Variants in RB1CC1 observed in about 807,000 individuals in gnomAD.
RB1CC1 encodes the protein RB1-inducible coiled-coil protein 1.
A neutral mutation model predicts 177.5 loss-of-function variants in RB1CC1; 46 were observed. The ratio of observed to expected loss-of-function variants is 0.26; its 90% CI spans 0.20 to 0.33. The LOEUF (loss-of-function observed/expected upper bound fraction) is 0.33. RB1CC1 is among the 10% of genes least tolerant of loss of function. The pLI, the probability that RB1CC1 is intolerant of heterozygous loss-of-function variation, is 1.00. For missense variants in RB1CC1, 1,703 were observed against 1,816.3 expected (o/e 0.94, Z 1.13); for synonymous variants, 666 against 613.6 (o/e 1.09, Z -1.26).
rs115546893 is a variant in RB1CC1, at chr8:52,678,194, G to A, written c.370-1623C>T. Reference sequence around the variant, plus strand: ...AGTACTTTGGGAGGCTGAGGCGGGCGATCACCTGCGGTCAGGAGTTTGAGG... The same window carrying A: ...AGTACTTTGGGAGGCTGAGGCGGGCAATCACCTGCGGTCAGGAGTTTGAGG... On this transcript the variant is annotated intron_variant, in intron 5 of 23. Transcript: ENST00000025008. Among the ~76,000 whole-genome samples, 830 of 152,192 alleles carry A rather than the reference G, an allele frequency of 5.5e-3. 7 individuals are homozygous for A. Among genetic ancestry groups the A allele is most frequent in the African/African-American group, 0.019 (798 of 41,506 alleles).
At chr8:52,713,285 TAA>T (rs1459972143) in intron 1 of RB1CC1, among the ~76,000 whole-genome samples, 1 of 152,174 alleles carries the variant, frequency 6.6e-6, no homozygotes, top group Non-Finnish European at 1.5e-5. Context: ...GACCACACTT[TAA>T]AGAGTCATGA....
At position 52,680,296 on chromosome 8, in the gene RB1CC1, TAAAAAG is replaced by T. The variant is rs1441379083; in HGVS notation, c.369+3247_369+3252del. ...CAGAGATTTAGCTCAGGAAATAAGT[TAAAAAG>T]AAACGTATCACTGATTGAAGGCTAC... On this transcript the variant is annotated intron_variant, in intron 5 of 23. Transcript: ENST00000025008. 5.9e-5 allele frequency among the ~76,000 whole-genome samples: 9 copies of T among 152,114 alleles called. 1 individual carries two copies. In the East Asian group the frequency reaches 1.2e-3, roughly 20 times the overall value.
intron 22 of RB1CC1, among the ~76,000 whole-genome samples, chr8:52,626,224 C>G (rs1255332326): frequency 6.6e-6 from 1 of 152,064 alleles, no homozygotes; most frequent in Non-Finnish European, 1.5e-5. Flanking sequence ...ACTGGCATTC[C>G]TCAAAGGAAA....
At chr8:52,693,129 T>A (rs569796517) in intron 1 of RB1CC1, among the ~76,000 whole-genome samples, 1 of 152,138 alleles carries the variant, frequency 6.6e-6, no homozygotes, top group Non-Finnish European at 1.5e-5. Context: ...CAACTCAAGA[T>A]GGATTAAAGA....
At chr8:52,634,731 C>A (rs1191481571) in intron 20 of RB1CC1, among the ~76,000 whole-genome samples, 190 bp downstream of exon 20, 5 of 152,148 alleles carry the variant, frequency 3.3e-5, no homozygotes, top group Non-Finnish European at 7.3e-5. Context: ...ACTCTACAGT[C>A]AGGAGATAAC....
At chr8:52,700,433 G>A (rs972430038) in intron 1 of RB1CC1, among the ~76,000 whole-genome samples, 4 of 151,944 alleles carry the variant, frequency 2.6e-5, no homozygotes, top group Middle Eastern at 3.2e-3. Context: ...GGGTGGGGGC[G>A]CTGAGGCAGG....
chr8:52,642,723 C>T lies in RB1CC1; in HGVS notation c.4077G>A (p.Gln1359=). ...DLSDKLKSTM[Q]QQERDKDLIE... is the part of the protein sequence containing the mutation. ...ACAAACCTTTATCCCGTTCTTGTTG[C>T]TGCATTGTACTTTTCAACTTATCAC... Residue 1359 remains glutamine, a synonymous_variant, in exon 17 of 24, where the codon CAG becomes CAA. Transcript: ENST00000025008. 6.3e-6 allele frequency: 10 copies of T among 1,578,404 alleles called. No homozygotes were observed. Among genetic ancestry groups the T allele is most frequent in the Non-Finnish European group, 8.6e-6 (10 of 1,169,522 alleles).
chr8:52,645,638 T>C (rs992998766), intron 16 of RB1CC1, 64 bp downstream of exon 16: 2 of 1,504,110 alleles, frequency 1.3e-6, no homozygotes, highest in Non-Finnish European at 1.8e-6. Context: ...ATAAAGAAAT[T>C]ATATTTGTTA....
At chr8:52,674,325 G>A in intron 6 of RB1CC1, 51 bp from the exon 7 acceptor site, 2 of 1,425,942 alleles carry the variant, frequency 1.4e-6, no homozygotes, top group Non-Finnish European at 9.8e-7. Flanking sequence ...CTCTAATTAG[G>A]AATTAGCATG....
chr8:52,713,799 C>A (rs1369059295), intron 1 of RB1CC1, among the ~76,000 whole-genome samples: 4 of 152,224 alleles, frequency 2.6e-5, no homozygotes, highest in Non-Finnish European at 5.9e-5. Context: ...GGCAGCCCCG[C>A]AGCACGAGTC....
intron 8 of RB1CC1, 120 bp downstream of exon 8, chr8:52,667,901 C>T (rs1852212731): frequency 5.3e-6 from 5 of 938,914 alleles, no homozygotes; most frequent in Non-Finnish European, 7.7e-6. Flanking sequence ...AATATTAATA[C>T]ATTAAAAATA....
intron 22 of RB1CC1, among the ~76,000 whole-genome samples, chr8:52,625,098 T>C (rs563914787): frequency 1.1e-4 from 16 of 152,278 alleles, no homozygotes; most frequent in Non-Finnish European, 2.2e-4. Context: ...GTAGGAATTC[T>C]AGGCTAACTC....
intron 1 of RB1CC1, among the ~76,000 whole-genome samples, chr8:52,698,595 A>C (rs1224066366): frequency 6.7e-6 from 1 of 148,704 alleles, no homozygotes; most frequent in African/African-American, 2.5e-5. Context: ...TACAGGTGTG[A>C]GCCACTGCGC....
chr8:52,670,352 T>G lies in RB1CC1; in HGVS notation c.1003-2161A>C, dbSNP rs576648698. Among the ~76,000 whole-genome samples the G allele has an allele frequency of 2.9e-4, 44 of 152,380 alleles. No individual in the cohort carries two copies. In the East Asian group the frequency reaches 7.9e-3, roughly 27 times the overall value. On this transcript the variant is annotated intron_variant, in intron 7 of 23. Coordinates refer to ENST00000025008, the MANE Select transcript of RB1CC1 (RefSeq NM_014781.5). The stretch of plus-strand genomic sequence containing the variant: ...AACCACAGAATCTCATTAGTAATTA[T>G]TTAGCCAATTTTCAATAATTAACAG...
chr8:52,693,921 T>G (rs577040277), intron 1 of RB1CC1, among the ~76,000 whole-genome samples: 28 of 152,292 alleles, frequency 1.8e-4, no homozygotes, highest in African/African-American at 6.5e-4. Flanking sequence ...ATCCCGCACA[T>G]GTACCCTTTA....
intron 5 of RB1CC1, among the ~76,000 whole-genome samples, chr8:52,679,666 T>C (rs1329736005): frequency 6.6e-6 from 1 of 152,174 alleles, no homozygotes; most frequent in Non-Finnish European, 1.5e-5. Context: ...TCCTTAACCT[T>C]GACAAAATAA....
chr8:52,674,325 G>T, intron 6 of RB1CC1, 51 bp from the exon 7 acceptor site: 1 of 1,425,938 alleles, frequency 7.0e-7, no homozygotes, highest in South Asian at 1.2e-5. Context: ...CTCTAATTAG[G>T]AATTAGCATG....
chr8:52,711,494 C>A (rs1435402830), intron 1 of RB1CC1, among the ~76,000 whole-genome samples: 3 of 152,170 alleles, frequency 2.0e-5, no homozygotes, highest in Non-Finnish European at 4.4e-5. Context: ...TTGTCATTTA[C>A]CTCCATGAAA....
rs1023670087 is a variant in RB1CC1 at position 52,623,019 on chromosome 8, C to G, written c.*763G>C. 1 of 151,992 alleles carries G rather than the reference C, an allele frequency of 6.6e-6. No homozygotes were observed. The highest frequency in any genetic ancestry group is 1.5e-5 in the Non-Finnish European group (1 of 67,630). 9.4% of individuals were successfully genotyped at this position (151,992 alleles called of 1,614,324 possible). A position where few individuals can be genotyped will look rare whatever the true frequency, so the allele number is the denominator to read the frequency against. ...TGTTCTGAAACTCAACCATGAATTA[C>G]GATTTCATCAATATGATTATTCTAG... On this transcript the variant is annotated 3_prime_UTR_variant, in exon 24 of 24. Coordinates refer to ENST00000025008, the MANE Select transcript of RB1CC1 (RefSeq NM_014781.5).
Sources: allele counts gnomAD v4.1 joint callset (sites outside exome capture counted in the v4.1 genomes callset), GRCh38; gene constraint gnomAD v4.1.1; transcripts MANE v1.5; gene names NCBI Gene and HGNC (gene_info 2026-07-23, HGNC 2026-07-21).